The following PML variants were observed in gnomAD, a reference collection of about 807,000 sequenced individuals.
PML encodes the protein protein PML.
A neutral mutation model predicts 65.2 loss-of-function variants in PML; 28 were observed. That is an observed-to-expected ratio of 0.43 (90% confidence interval 0.32 to 0.59). PML has a LOEUF of 0.59. PML is among the 20% of genes least tolerant of loss of function. The pLI is 0.08. For missense variants in PML, 1,021 were observed against 1,203.4 expected, an observed-to-expected ratio of 0.85 and a Z score of 2.24; for synonymous variants, 500 against 508.8, an observed-to-expected ratio of 0.98 and a Z score of 0.23.
rs1482875141 is a variant in PML, at chr15:74,042,219, G to C, written c.1711-770G>C. Reference sequence around the variant, plus strand: ...CCAGGACCTTGGGACAGGAGAGAACGCCTCACCTGAAGGACTCCCAAAACT... The same window carrying C: ...CCAGGACCTTGGGACAGGAGAGAACCCCTCACCTGAAGGACTCCCAAAACT... On this transcript the variant is annotated intron_variant, in intron 7 of 8. Transcript: ENST00000268058. This position sits in a 1 kb window ranked among gnomAD's most constrained non-coding sequence, Gnocchi z 5.3. Among the ~76,000 whole-genome samples, 1 of 152,162 alleles carries C rather than the reference G, an allele frequency of 6.6e-6. No homozygotes were observed. The highest frequency in any genetic ancestry group is 1.5e-5 in the Non-Finnish European group (1 of 68,046).
rs73431430 is a variant in PML, at chr15:74,046,900, G to C, written c.*1892G>C. The C allele has an allele frequency of 0.023, 5,331 of 230,566 alleles. 295 individuals carry two copies. Among genetic ancestry groups the C allele is most frequent in the African/African-American group, 0.11 (4,966 of 45,286 alleles). 14.3% of individuals were successfully genotyped at this position (230,566 alleles called of 1,614,324 possible). ...CACTTGCCCAGCACAACTGTGTTTTGTGGGGCGTCTTTTAGGACTTAGCAG... is the reference window on the plus strand; with the variant it reads ...CACTTGCCCAGCACAACTGTGTTTTCTGGGGCGTCTTTTAGGACTTAGCAG... On this transcript the variant is annotated 3_prime_UTR_variant, in exon 9 of 9. Transcript: ENST00000268058.
At chr15:74,029,067 G>T (rs1188800917) in intron 4 of PML, among the ~76,000 whole-genome samples, 1 of 150,286 alleles carries the variant, frequency 6.7e-6, no homozygotes, top group East Asian at 1.9e-4. Context: ...TTTTTTTTTT[G>T]AGGAATCACC....
intron 7 of PML, chr15:74,036,474 A>T (rs1006521576): frequency 3.3e-5 from 40 of 1,223,812 alleles, no homozygotes; most frequent in Non-Finnish European, 4.0e-5. Context: ...TCTCTTCCCT[A>T]TGCTGGAACT....
chr15:74,005,796 C>T (rs1242388623), intron 2 of PML, among the ~76,000 whole-genome samples: 3 of 152,124 alleles, frequency 2.0e-5, no homozygotes, highest in African/African-American at 7.2e-5. Flanking sequence ...ATAGGTCCTG[C>T]GGTCTGTGCT....
intron 1 of PML, among the ~76,000 whole-genome samples, chr15:73,996,131 C>G (rs2069492330): frequency 6.6e-6 from 1 of 152,182 alleles, no homozygotes; most frequent in Non-Finnish European, 1.5e-5. Context: ...GTGTACCATT[C>G]AGTGGCATTA....
At position 74,035,998 on chromosome 15, in the gene PML, G is replaced by T. The variant is rs768265290; in HGVS notation, c.1710+1468G>T. ...ACCTTGCAGCCAACACCCCTGCCCG[G>T]CCCCTGAGCTGCCTCCTCCAGCCCA... On this transcript the variant is annotated intron_variant, in intron 7 of 8. Coordinates refer to ENST00000268058, the MANE Select transcript of PML (RefSeq NM_033238.3). The surrounding 1 kb of genome is among the most constrained non-coding windows in gnomAD (Gnocchi z 4.1). 1 of 1,614,030 alleles carries T rather than the reference G, an allele frequency of 6.2e-7. No individual in the cohort carries two copies. Among genetic ancestry groups the T allele is most frequent in the South Asian group, 1.1e-5 (1 of 91,084 alleles).
At chr15:74,004,503 T>G (rs2069939863) in intron 2 of PML, among the ~76,000 whole-genome samples, 1 of 152,162 alleles carries the variant, frequency 6.6e-6, no homozygotes, top group Admixed American at 6.5e-5. Flanking sequence ...GGTCTCACTA[T>G]ATTGCCCAGG....
intron 2 of PML, among the ~76,000 whole-genome samples, 200 bp from the exon 3 acceptor site, chr15:74,022,628 A>C (rs912882611): frequency 6.6e-6 from 1 of 152,236 alleles, no homozygotes; most frequent in East Asian, 1.9e-4. Flanking sequence ...TTGTTACTGT[A>C]GTAACTTTTT....
At position 74,042,928 on chromosome 15, in the gene PML, T is replaced by C. The variant is rs2071725263; in HGVS notation, c.1711-61T>C. 3 of 1,611,756 alleles carry C rather than the reference T, an allele frequency of 1.9e-6. No individual in the cohort carries two copies. The highest frequency in any genetic ancestry group is 3.3e-5 in the Admixed American group (2 of 59,996). The stretch of plus-strand genomic sequence containing the variant: ...CCCAGCTATACCAGCTTGCTAGTGT[T>C]CTGCACAGGTGCTTGCCTTGGCCCT... On this transcript the variant is annotated intron_variant, in intron 7 of 8. Coordinates refer to ENST00000268058, the MANE Select transcript of PML (RefSeq NM_033238.3). This position sits in a 1 kb window ranked among gnomAD's most constrained non-coding sequence, Gnocchi z 5.3.
At chr15:73,999,020 TCAGTTTTTTAATAGGTAATACATTCGTA>T (rs772274657) in intron 2 of PML, among the ~76,000 whole-genome samples, 8 of 152,240 alleles carry the variant, frequency 5.3e-5, no homozygotes, top group Non-Finnish European at 8.8e-5. Flanking sequence ...AGATTTTAAC[TCAGTTTTTTAATAGGTAATACATTCGTA>T]CAGTTCACGA....
chr15:74,000,783 G>A (rs1034507070), intron 2 of PML, among the ~76,000 whole-genome samples: 4 of 151,814 alleles, frequency 2.6e-5, no homozygotes, highest in African/African-American at 7.3e-5. Flanking sequence ...TTGAATCCAC[G>A]GGTGCGTAAC....
chr15:74,001,502 G>A (rs1352729642), intron 2 of PML, among the ~76,000 whole-genome samples: 1 of 151,896 alleles, frequency 6.6e-6, no homozygotes, highest in East Asian at 1.9e-4. Context: ...ACCATGCCTG[G>A]CTAATTTTTT....
Position 74,023,386 on chromosome 15 carries a change from C to T in PML, c.1161C>T (p.Ser387=), listed in dbSNP as rs1268828855. 1 of 1,599,152 alleles carries T rather than the reference C, an allele frequency of 6.3e-7. No individual in the cohort carries two copies. Among genetic ancestry groups the T allele is most frequent in the East Asian group, 2.2e-5 (1 of 44,874 alleles). Residue 387 remains serine, a synonymous_variant, in exon 3 of 9, where the codon AGC becomes AGT. Coordinates refer to ENST00000268058, the MANE Select transcript of PML (RefSeq NM_033238.3). ...DEFKVRLQDL[S]SCITQGKDAA... is the part of the protein sequence containing the mutation. Reference sequence around the variant, plus strand: ...TCAAGGTGCGCCTGCAGGACCTCAGCTCTTGCATCACCCAGGGGAAAGGTA... The same window carrying T: ...TCAAGGTGCGCCTGCAGGACCTCAGTTCTTGCATCACCCAGGGGAAAGGTA...
chr15:74,030,684 C>G (rs1179398260), intron 4 of PML, among the ~76,000 whole-genome samples: 2 of 151,966 alleles, frequency 1.3e-5, no homozygotes, highest in African/African-American at 4.8e-5. Flanking sequence ...ACAAAAAACA[C>G]TAGATTCAAG....
chr15:74,002,128 G>C (rs925408870), intron 2 of PML, among the ~76,000 whole-genome samples: 3 of 152,044 alleles, frequency 2.0e-5, no homozygotes, highest in Admixed American at 6.6e-5. Flanking sequence ...GTGATGGTGC[G>C]ATTTCATACT....
Position 74,044,914 on chromosome 15 carries a change from G to T in PML, c.2555G>T (p.Gly852Val), listed in dbSNP as rs763790024. The change falls in exon 9 of 9, where the codon GGC becomes GTC. Residue 852 changes from glycine (G) to valine (V), a missense_variant. Gly to Val is a moderately radical substitution (Grantham distance 109). Transcript: ENST00000268058. Reference protein sequence around the residue: ...NLQALGTYFEGLLEGPALARA... With the variant: ...NLQALGTYFEVLLEGPALARA... ...CAGGCTCTGGGCACCTACTTTGAAG[G>T]CCTGTTGGAGGGTCCGGCGCTGGCA... 2 of 1,613,542 alleles carry T rather than the reference G, an allele frequency of 1.2e-6. No individual in the cohort carries two copies. Among genetic ancestry groups the T allele is most frequent in the South Asian group, 2.2e-5 (2 of 91,090 alleles).
intron 6 of PML, chr15:74,034,239 T>G: frequency 1.7e-6 from 1 of 588,678 alleles, no homozygotes; most frequent in Non-Finnish European, 3.1e-6. Flanking sequence ...GCAGATAACT[T>G]AATTGAATAT....
At position 74,047,775 on chromosome 15, in the gene PML, T is replaced by C. The variant is rs1461383336; in HGVS notation, c.*2767T>C. The C allele has an allele frequency of 5.5e-6, 1 of 181,662 alleles. No homozygotes were observed. Among genetic ancestry groups the C allele is most frequent in the African/African-American group, 2.4e-5 (1 of 42,500 alleles). 11.3% of individuals were successfully genotyped at this position (181,662 alleles called of 1,614,324 possible). A position where few individuals can be genotyped will look rare whatever the true frequency, so the allele number is the denominator to read the frequency against. On this transcript the variant is annotated 3_prime_UTR_variant, in exon 9 of 9. Coordinates refer to ENST00000268058, the MANE Select transcript of PML (RefSeq NM_033238.3). ...GATCTTACTGCTTTATAAAGTGCTTTATGAATTATAGGAAAATAAACACAT... is the reference window on the plus strand; with the variant it reads ...GATCTTACTGCTTTATAAAGTGCTTCATGAATTATAGGAAAATAAACACAT...
chr15:73,998,238 A>G lies in PML; in HGVS notation c.364A>G (p.Ile122Val), dbSNP rs1430981462. Residue 122 changes from isoleucine (I) to valine (V), a missense_variant, in exon 2 of 9, where the codon ATT becomes GTT. Physicochemically the swap from Ile to Val is conservative, Grantham distance 29. Coordinates refer to ENST00000268058, the MANE Select transcript of PML (RefSeq NM_033238.3). Reference protein sequence around the residue: ...LQRRLSVYRQIVDAQAVCTRC... With the variant: ...LQRRLSVYRQVVDAQAVCTRC... ...GCGGCGCCTGTCGGTGTACCGGCAG[A>G]TTGTGGATGCGCAGGCTGTGTGCAC... The G allele has an allele frequency of 1.9e-6, 3 of 1,614,156 alleles. No individual in the cohort carries two copies. The highest frequency in any genetic ancestry group is 2.2e-5 in the East Asian group (1 of 44,886).
Sources: gnomAD v4.1 joint callset for allele counts (sites outside exome capture counted in the v4.1 genomes callset) on GRCh38, gnomAD v4.1.1 for gene constraint, Gnocchi (gnomAD v3.1) non-coding constraint, MANE v1.5 for transcripts, NCBI Gene and HGNC (gene_info 2026-07-23, HGNC 2026-07-21) for gene names.